GGACT: variants seen among roughly 807,000 people sequenced by gnomAD.
The protein encoded by GGACT is gamma-glutamylaminecyclotransferase.
For synonymous variants in GGACT, 118 were observed against 115.3 expected, an observed-to-expected ratio of 1.02 and a Z score of -0.15; for missense variants, 241 against 233.2, an observed-to-expected ratio of 1.03 and a Z score of -0.22.
rs1302686403 is a variant in GGACT, at chr13:100,532,439, C to G, written c.153G>C (p.Pro51=). Residue 51 remains proline (P), a synonymous_variant, in exon 3 of 3, where the codon CCG becomes CCC. Coordinates refer to ENST00000683975, the MANE Select transcript of GGACT (RefSeq NM_001195087.2). The part of the protein sequence containing the change: ...PLVIAGEHNI[P]WLLHLPGSGR... ...CCGAGCCGGGCAGGTGCAGCAGCCA[C>G]GGGATGTTGTGCTCCCCCGCGATCA... 1 of 1,549,926 alleles carries G rather than the reference C, an allele frequency of 6.5e-7. No homozygotes were observed. Among genetic ancestry groups the G allele is most frequent in the East Asian group, 2.4e-5 (1 of 40,908 alleles).
intron 2 of GGACT, among the ~76,000 whole-genome samples, chr13:100,551,299 A>G (rs1040867604): frequency 4.0e-5 from 6 of 151,778 alleles, no homozygotes; most frequent in Non-Finnish European, 8.8e-5. Context: ...AAAAACAAAA[A>G]CCCATAATGT....
intron 2 of GGACT, among the ~76,000 whole-genome samples, chr13:100,551,468 T>TC (rs1566532962): frequency 6.6e-6 from 1 of 151,918 alleles, no homozygotes; most frequent in Non-Finnish European, 1.5e-5. Context: ...TTAACAGACT[T>TC]CCCCTCGGCT....
chr13:100,565,268 A>C (rs941661160), intron 2 of GGACT, among the ~76,000 whole-genome samples: 1 of 152,226 alleles, frequency 6.6e-6, no homozygotes, highest in African/African-American at 2.4e-5. Context: ...GGAAAGACAC[A>C]ATCCTTTAAC....
chr13:100,542,433 G>A (rs1180672631), intron 2 of GGACT, among the ~76,000 whole-genome samples: 1 of 152,238 alleles, frequency 6.6e-6, no homozygotes, highest in East Asian at 1.9e-4. Context: ...CTGCCACGCT[G>A]TCATCCCTCG....
chr13:100,568,555 C>T (rs560202744), intron 2 of GGACT, among the ~76,000 whole-genome samples: 7 of 152,326 alleles, frequency 4.6e-5, no homozygotes, highest in South Asian at 2.1e-4. Flanking sequence ...TCCCATGACA[C>T]GTCAGGATTA....
At chr13:100,578,909 G>A (rs1650043482) in intron 2 of GGACT, 1 of 152,180 alleles carries the variant, frequency 6.6e-6, no homozygotes, top group African/African-American at 2.4e-5. Flanking sequence ...AAGTACAGAT[G>A]ACAACAGCAG....
chr13:100,553,705 G>A (rs913059223), intron 2 of GGACT, among the ~76,000 whole-genome samples: 5 of 152,062 alleles, frequency 3.3e-5, no homozygotes, highest in African/African-American at 7.2e-5. Context: ...TTAGCTAGGC[G>A]TGGTGGTGTG....
intron 2 of GGACT, among the ~76,000 whole-genome samples, chr13:100,577,580 G>A (rs1875289948): frequency 6.6e-6 from 1 of 152,014 alleles, no homozygotes; most frequent in Non-Finnish European, 1.5e-5. Flanking sequence ...GGGGTGAAAT[G>A]ACATGATTTC....
intron 2 of GGACT, among the ~76,000 whole-genome samples, chr13:100,550,205 C>T (rs1451689256): frequency 6.6e-6 from 1 of 151,880 alleles, no homozygotes; most frequent in Non-Finnish European, 1.5e-5. Context: ...ATTCTGAGGC[C>T]AAAACTTCCA....
intron 2 of GGACT, among the ~76,000 whole-genome samples, chr13:100,553,758 C>T (rs555389562): frequency 6.6e-5 from 10 of 151,312 alleles, no homozygotes; most frequent in East Asian, 3.9e-4. Flanking sequence ...GCAGAAGAAT[C>T]GCTTGCACCA....
rs1258153128 is a variant in GGACT at position 100,532,341 on chromosome 13, C to A, written c.251G>T (p.Cys84Phe). The A allele has an allele frequency of 1.3e-6, 2 of 1,550,550 alleles. No individual in the cohort carries two copies. The highest frequency in any genetic ancestry group is 1.7e-6 in the Non-Finnish European group (2 of 1,146,576). The change falls in exon 3 of 3, where the codon TGC becomes TTC. Residue 84 changes from cysteine to phenylalanine, a missense_variant. Transcript: ENST00000683975. Reference protein sequence around the residue: ...MLRFLDDFESCPALYQRTVLR... With the variant: ...MLRFLDDFESFPALYQRTVLR... The stretch of plus-strand genomic sequence containing the variant: ...CACCGTGCGCTGGTACAGGGCCGGG[C>A]AACTCTCGAAGTCATCCAGAAAGCG...
chr13:100,532,640 G>C, intron 2 of GGACT, 39 bp from the exon 3 acceptor site: 1 of 1,460,850 alleles, frequency 6.8e-7, no homozygotes, highest in Non-Finnish European at 9.2e-7. Flanking sequence ...GCCCGCAGTG[G>C]GAGCTCTGTG....
chr13:100,586,493 A>T (rs1436717418), intron 1 of GGACT, among the ~76,000 whole-genome samples: 3 of 70,668 alleles, frequency 4.2e-5, no homozygotes, highest in African/African-American at 1.1e-4. Context: ...CCCCGACCCC[A>T]CCCCTCCTCT....
In GGACT at chr13:100,530,250, C is replaced by T; in HGVS notation, c.*1880G>A. 3.7e-6 allele frequency: 4 copies of T among 1,067,102 alleles called. No individual in the cohort carries two copies. The highest frequency in any genetic ancestry group is 2.0e-4 in the Middle Eastern group (1 of 4,988). 66.1% of individuals were successfully genotyped at this position (1,067,102 alleles called of 1,614,324 possible). ...ACACACAATTGATTCAAGCATTATA[C>T]AGGAACACCCCTGTGCAGCTACGTT... is the stretch of plus-strand genomic sequence containing the variant. On this transcript the variant is annotated 3_prime_UTR_variant, in exon 3 of 3. Coordinates refer to ENST00000683975, the MANE Select transcript of GGACT (RefSeq NM_001195087.2).
rs1158411608 is a variant in GGACT, at chr13:100,534,569, A to T, written c.-10-1968T>A. 2.0e-5 allele frequency among the ~76,000 whole-genome samples: 3 copies of T among 152,022 alleles called. No individual in the cohort carries two copies. Among genetic ancestry groups the T allele is most frequent in the Non-Finnish European group, 4.4e-5 (3 of 68,014 alleles). On this transcript the variant is annotated intron_variant, in intron 2 of 2. Transcript: ENST00000683975. This position sits in a 1 kb window ranked among gnomAD's most constrained non-coding sequence, Gnocchi z 4.9. ...GAAGCAGCTGTCTACAACAGCGGGC[A>T]AGGAGCTATCCCAAAAGACGAGCAC... is the stretch of plus-strand genomic sequence containing the variant.
intron 2 of GGACT, chr13:100,537,339 G>C (rs1433368809): frequency 6.6e-6 from 1 of 152,314 alleles, no homozygotes; most frequent in East Asian, 1.9e-4. Flanking sequence ...TCAGGTCCCC[G>C]TGAAGAAGCC....
chr13:100,532,327 G>A lies in GGACT; in HGVS notation c.265C>T (p.Gln89Ter), dbSNP rs1314874581. 6.5e-7 allele frequency: 1 copy of A among 1,550,092 alleles called. No homozygotes were observed. Among genetic ancestry groups the A allele is most frequent in the African/African-American group, 1.4e-5 (1 of 73,142 alleles). ...DDFESCPALY[Q>*]RTVLRVQLLE... is the part of the protein sequence containing the mutation. ...AGCTGTACCCGCAGCACCGTGCGCTGGTACAGGGCCGGGCAACTCTCGAAG... is the reference window on the plus strand; with the variant it reads ...AGCTGTACCCGCAGCACCGTGCGCTAGTACAGGGCCGGGCAACTCTCGAAG... The change falls in exon 3 of 3, where the codon CAG becomes TAG. Residue 89 changes from glutamine (Q) to a stop codon, truncating the protein, a stop_gained. Coordinates refer to ENST00000683975, the MANE Select transcript of GGACT (RefSeq NM_001195087.2). LOFTEE classifies it low-confidence loss of function (END_TRUNC).
chr13:100,537,136 C>T (rs75326614), intron 2 of GGACT: 3,797 of 152,338 alleles, frequency 0.025, 74 homozygotes, highest in Non-Finnish European at 0.043. Context: ...CCTTGTGGGT[C>T]GTTTGAGTAG....
chr13:100,543,035 G>A (rs929289949), intron 2 of GGACT, among the ~76,000 whole-genome samples: 1 of 152,080 alleles, frequency 6.6e-6, no homozygotes, highest in Non-Finnish European at 1.5e-5. Flanking sequence ...TAAAAGGCAG[G>A]ATTTAAGAGT....
Sources: gnomAD v4.1 joint callset for allele counts (sites outside exome capture counted in the v4.1 genomes callset) on GRCh38, gnomAD v4.1.1 for gene constraint, Gnocchi (gnomAD v3.1) non-coding constraint, MANE v1.5 for transcripts, NCBI Gene and HGNC (gene_info 2026-07-23, HGNC 2026-07-21) for gene names.